TNFRSF1B: variants seen among roughly 807,000 people sequenced by gnomAD.
TNFRSF1B encodes the protein tumor necrosis factor receptor superfamily member 1B.
A neutral mutation model predicts 44.6 loss-of-function variants in TNFRSF1B; 19 were observed. That is an observed-to-expected ratio of 0.43 (90% confidence interval 0.30 to 0.62). TNFRSF1B has a LOEUF of 0.62. TNFRSF1B is among the 20% of genes least tolerant of loss of function. The pLI, the probability that TNFRSF1B is intolerant of heterozygous loss-of-function variation, is 0.16. For synonymous variants in TNFRSF1B, 252 were observed against 261.1 expected (o/e 0.97, Z 0.34); for missense variants, 541 against 619.9 (o/e 0.87, Z 1.35).
At chr1:12,201,916 G>A in intron 8 of TNFRSF1B, 51 bp from the exon 9 acceptor site, 1 of 1,529,618 alleles carries the variant, frequency 6.5e-7, no homozygotes, top group South Asian at 1.2e-5. Flanking sequence ...GGGGAAGAAA[G>A]AGCTGGCTGG....
chr1:12,167,255 T>A, intron 1 of TNFRSF1B, 86 bp downstream of exon 1: 2 of 1,033,490 alleles, frequency 1.9e-6, no homozygotes, highest in Non-Finnish European at 2.5e-6. Flanking sequence ...CGGGCCGCGC[T>A]CTCCCGGGGC....
chr1:12,203,154 T>TCAGAC (rs1639428323), intron 9 of TNFRSF1B, among the ~76,000 whole-genome samples: 1 of 152,222 alleles, frequency 6.6e-6, no homozygotes, highest in Non-Finnish European at 1.5e-5. Context: ...GACCATGAAC[T>TCAGAC]TGGGTCAGTC....
At chr1:12,184,664 G>C (rs1211881012) in intron 1 of TNFRSF1B, among the ~76,000 whole-genome samples, 3 of 152,218 alleles carry the variant, frequency 2.0e-5, no homozygotes, top group African/African-American at 7.2e-5. Context: ...TGCGGCTCTT[G>C]AGAGCCCAAA....
rs1638517180 is a variant in TNFRSF1B at position 12,171,199 on chromosome 1, A to T, written c.78+4030A>T. Reference sequence around the variant, plus strand: ...TCCTTTTTTTTTTTTTTTTTAGTAGAGACCGGGTTTTGCCATGTTGGCCAG... The same window carrying T: ...TCCTTTTTTTTTTTTTTTTTAGTAGTGACCGGGTTTTGCCATGTTGGCCAG... On this transcript the variant is annotated intron_variant, in intron 1 of 9. Transcript: ENST00000376259. This position sits in a 1 kb window ranked among gnomAD's most constrained non-coding sequence, Gnocchi z 4.5. Among the ~76,000 whole-genome samples, 1 of 146,472 alleles carries T rather than the reference A, an allele frequency of 6.8e-6. No homozygotes were observed.
intron 3 of TNFRSF1B, 85 bp from the exon 4 acceptor site, chr1:12,191,689 G>A (rs953908510): frequency 6.4e-7 from 1 of 1,572,236 alleles, no homozygotes; most frequent in South Asian, 1.1e-5. Flanking sequence ...GAGATCCGCT[G>A]TCTGAGAGTG....
intron 1 of TNFRSF1B, 91 bp downstream of exon 1, chr1:12,167,260 C>G (rs1638412471): frequency 9.9e-7 from 1 of 1,010,040 alleles, no homozygotes; most frequent in South Asian, 3.8e-5. Context: ...CGCGCTCTCC[C>G]GGGGCGCTGT....
At position 12,180,090 on chromosome 1, in the gene TNFRSF1B, C is replaced by G. The variant is rs544136766; in HGVS notation, c.79-8706C>G. Among the ~76,000 whole-genome samples the G allele has an allele frequency of 5.9e-5, 9 of 152,090 alleles. No individual in the cohort carries two copies. In the South Asian group the frequency reaches 1.9e-3, roughly 32 times the overall value. Reference sequence around the variant, plus strand: ...CCCCTGGGGAAGGCTGGGAGCATGACCTCTTCCCAAGGGTACGGCATCTAA... The same window carrying G: ...CCCCTGGGGAAGGCTGGGAGCATGAGCTCTTCCCAAGGGTACGGCATCTAA... On this transcript the variant is annotated intron_variant, in intron 1 of 9. Coordinates refer to ENST00000376259, the MANE Select transcript of TNFRSF1B (RefSeq NM_001066.3). The surrounding 1 kb of genome is among the most constrained non-coding windows in gnomAD (Gnocchi z 4.3).
At chr1:12,205,362 G>C (rs371986199) in intron 9 of TNFRSF1B, among the ~76,000 whole-genome samples, 4 of 152,138 alleles carry the variant, frequency 2.6e-5, no homozygotes, top group Non-Finnish European at 4.4e-5. Context: ...GGCAGGAGAG[G>C]GGGTGGGAGA....
At chr1:12,205,273 AG>A (rs1639477299) in intron 9 of TNFRSF1B, among the ~76,000 whole-genome samples, 1 of 151,972 alleles carries the variant, frequency 6.6e-6, no homozygotes, top group Non-Finnish European at 1.5e-5. Flanking sequence ...GCAAAGGCCC[AG>A]GGGACCTGAA....
chr1:12,192,784 C>A (rs1453888175), intron 5 of TNFRSF1B, 79 bp from the exon 6 acceptor site: 4 of 1,267,192 alleles, frequency 3.2e-6, no homozygotes, highest in Non-Finnish European at 4.4e-6. Context: ...ATCCTGCCTG[C>A]TGGGGCCCGT....
At chr1:12,170,977 G>A (rs1052799459) in intron 1 of TNFRSF1B, among the ~76,000 whole-genome samples, 19 of 149,974 alleles carry the variant, frequency 1.3e-4, no homozygotes, top group East Asian at 2.0e-4. Context: ...TGCCTGGCCC[G>A]TTCTCACTTC....
chr1:12,175,013 C>T (rs534670702), intron 1 of TNFRSF1B, among the ~76,000 whole-genome samples: 2 of 152,354 alleles, frequency 1.3e-5, no homozygotes, highest in South Asian at 2.1e-4. Context: ...TGGCCCTGCA[C>T]TAGTGAGACT....
chr1:12,191,812 C>G lies in TNFRSF1B; in HGVS notation c.346C>G (p.Arg116Gly). The G allele has an allele frequency of 1.2e-6, 2 of 1,613,492 alleles. No individual in the cohort carries two copies. The highest frequency in any genetic ancestry group is 1.7e-6 in the Non-Finnish European group (2 of 1,179,792). The change falls in exon 4 of 10, where the codon CGC becomes GGC. Residue 116 changes from arginine (R) to glycine (G), a missense_variant. Arg to Gly is a moderately radical substitution (Grantham distance 125). Transcript: ENST00000376259. ...ETQACTREQN[R>G]ICTCRPGWYC... Reference sequence around the variant, plus strand: ...TCAAGCCTGCACTCGGGAACAGAACCGCATCTGCACCTGCAGGCCCGGCTG... The same window carrying G: ...TCAAGCCTGCACTCGGGAACAGAACGGCATCTGCACCTGCAGGCCCGGCTG...
Position 12,207,914 on chromosome 1 carries a change from G to GA in TNFRSF1B, c.*904dup, listed in dbSNP as rs55651536. ...GACAGAGCGAGAGTCTGTCTCAAAA[G>GA]AAAAAAAAAAGCACCGCCTCCAAAT... On this transcript the variant is annotated 3_prime_UTR_variant, in exon 10 of 10. Transcript: ENST00000376259. 0.32 allele frequency: 47,936 copies of GA among 148,564 alleles called. 7,982 individuals are homozygous for GA. The highest frequency in any genetic ancestry group is 0.4 in the Middle Eastern group (113 of 286). 9.2% of individuals were successfully genotyped at this position (148,564 alleles called of 1,614,324 possible). A position where few individuals can be genotyped will look rare whatever the true frequency, so the allele number is the denominator to read the frequency against.
rs1281235686 is a variant in TNFRSF1B, at chr1:12,177,791, C to T, written c.78+10622C>T. On this transcript the variant is annotated intron_variant, in intron 1 of 9. Transcript: ENST00000376259. This position sits in a 1 kb window ranked among gnomAD's most constrained non-coding sequence, Gnocchi z 4.3. ...CCTGGGTGACAGGGTGAGATTCTGT[C>T]TCCAAAAAAAAAAAAAAAAGAAGAG... is the stretch of plus-strand genomic sequence containing the variant. Among the ~76,000 whole-genome samples the T allele has an allele frequency of 1.4e-5, 2 of 141,270 alleles. No homozygotes were observed. The highest frequency in any genetic ancestry group is 2.0e-4 in the East Asian group (1 of 4,882). 92.7% of individuals were successfully genotyped at this position (141,270 alleles called of 152,430 possible). A position where few individuals can be genotyped will look rare whatever the true frequency, so the allele number is the denominator to read the frequency against.
At chr1:12,206,086 G>C (rs748599932) in intron 9 of TNFRSF1B, among the ~76,000 whole-genome samples, 11 of 152,124 alleles carry the variant, frequency 7.2e-5, no homozygotes, top group Non-Finnish European at 1.2e-4. Flanking sequence ...GATGGGAGTA[G>C]AATCAAGAGT....
At chr1:12,200,584 A>G (rs1372304466) in intron 8 of TNFRSF1B, among the ~76,000 whole-genome samples, 1 of 152,032 alleles carries the variant, frequency 6.6e-6, no homozygotes, top group Non-Finnish European at 1.5e-5. Context: ...GTGCTACTGG[A>G]CACCCAAACT....
chr1:12,167,065 G>C lies in TNFRSF1B; in HGVS notation c.-27G>C. On this transcript the variant is annotated 5_prime_UTR_variant, in exon 1 of 10. Coordinates refer to ENST00000376259, the MANE Select transcript of TNFRSF1B (RefSeq NM_001066.3). ...GCGAGGGCGCGAGGGCGCGAGGGCAGGGGGCAACCGGACCCCGCCCGCACC... is the reference window on the plus strand; with the variant it reads ...GCGAGGGCGCGAGGGCGCGAGGGCACGGGGCAACCGGACCCCGCCCGCACC... 1 of 1,285,176 alleles carries C rather than the reference G, an allele frequency of 7.8e-7. No homozygotes were observed. The highest frequency in any genetic ancestry group is 1.6e-5 in the African/African-American group (1 of 63,842). 79.6% of individuals were successfully genotyped at this position (1,285,176 alleles called of 1,614,324 possible).
At chr1:12,191,168 C>A in intron 3 of TNFRSF1B, 83 bp downstream of exon 3, 1 of 1,550,306 alleles carries the variant, frequency 6.5e-7, no homozygotes, top group East Asian at 2.3e-5. Context: ...TGGCTTCCAG[C>A]TGTCTGGAGT....
Sources: gnomAD v4.1 joint callset for allele counts (sites outside exome capture counted in the v4.1 genomes callset) on GRCh38, gnomAD v4.1.1 for gene constraint, Gnocchi (gnomAD v3.1) non-coding constraint, MANE v1.5 for transcripts, NCBI Gene and HGNC (gene_info 2026-07-23, HGNC 2026-07-21) for gene names.